CORIN: variants seen among roughly 807,000 people sequenced by gnomAD.
CORIN encodes atrial natriuretic peptide-converting enzyme.
Under a neutral mutation model 125.3 loss-of-function variants are expected in CORIN, and 117 were observed. The observed-to-expected ratio is 0.93, with a 90% confidence interval of 0.80 to 1.09. CORIN has a LOEUF of 1.09. Among genes scored for constraint, CORIN ranks in the 50% least tolerant of loss-of-function variants. CORIN has a pLI of 0.00. For missense variants in CORIN, 1,253 were observed against 1,306.7 expected (o/e 0.96, Z 0.63); for synonymous variants, 450 against 466.4 (o/e 0.96, Z 0.45).
intron 3 of CORIN, among the ~76,000 whole-genome samples, chr4:47,765,580 C>G (rs571056234): frequency 3.3e-5 from 5 of 152,274 alleles, no homozygotes; most frequent in Admixed American, 2.6e-4. Flanking sequence ...ATTTTGGTAG[C>G]TATTGTCAAA....
At chr4:47,692,219 T>A (rs1395374029) in intron 6 of CORIN, among the ~76,000 whole-genome samples, 1 of 152,238 alleles carries the variant, frequency 6.6e-6, no homozygotes, top group Non-Finnish European at 1.5e-5. Context: ...ATTAGAACTC[T>A]TGCATGTAGT....
At chr4:47,617,402 A>G (rs1722104898) in intron 19 of CORIN, among the ~76,000 whole-genome samples, 1 of 152,198 alleles carries the variant, frequency 6.6e-6, no homozygotes, top group African/African-American at 2.4e-5. Flanking sequence ...AGAGAGCTCC[A>G]AGTTTCTGAA....
Position 47,702,433 on chromosome 4 carries a change from T to G in CORIN, c.800-9350A>C, listed in dbSNP as rs181724531. ...GTATTTTTTCTAGACCTTTTTTAAA[T>G]GTGTAACTCAGTCACAACGTTTATG... On this transcript the variant is annotated intron_variant, in intron 5 of 21. Coordinates refer to ENST00000273857, the MANE Select transcript of CORIN (RefSeq NM_006587.4). Among the ~76,000 whole-genome samples, 52 of 152,278 alleles carry G rather than the reference T, an allele frequency of 3.4e-4. 1 individual carries two copies. Among genetic ancestry groups the G allele is most frequent in the Non-Finnish European group, 2.9e-4 (20 of 67,998 alleles).
intron 5 of CORIN, among the ~76,000 whole-genome samples, chr4:47,699,141 C>A (rs1046026634): frequency 1.3e-5 from 2 of 152,204 alleles, no homozygotes; most frequent in African/African-American, 2.4e-5. Flanking sequence ...AAACAATGAC[C>A]ATCCTTGAAT....
chr4:47,759,783 A>G (rs1397000924), intron 4 of CORIN, among the ~76,000 whole-genome samples: 1 of 152,188 alleles, frequency 6.6e-6, no homozygotes, highest in African/African-American at 2.4e-5. Context: ...TTCTTTGTTC[A>G]TCCATAAAAA....
intron 5 of CORIN, among the ~76,000 whole-genome samples, chr4:47,705,051 T>C (rs886237491): frequency 2.6e-5 from 4 of 152,228 alleles, no homozygotes; most frequent in Admixed American, 6.5e-5. Context: ...TGATTGCGAC[T>C]GAGTAAATCT....
intron 1 of CORIN, among the ~76,000 whole-genome samples, chr4:47,811,664 C>T (rs1210233768): frequency 2.0e-5 from 3 of 152,108 alleles, no homozygotes; most frequent in South Asian, 4.1e-4. Flanking sequence ...CGCGCCCAGC[C>T]GAGGATTATT....
intron 3 of CORIN, among the ~76,000 whole-genome samples, chr4:47,781,233 C>T (rs2109906672): frequency 6.6e-6 from 1 of 152,228 alleles, no homozygotes; most frequent in East Asian, 1.9e-4. Context: ...TGAAAGGATA[C>T]ATAAAAATAT....
chr4:47,707,884 C>A (rs1726652664), intron 5 of CORIN, among the ~76,000 whole-genome samples: 1 of 152,146 alleles, frequency 6.6e-6, no homozygotes, highest in Non-Finnish European at 1.5e-5. Context: ...AAGAGCCAGG[C>A]ATCCATGATC....
At chr4:47,782,298 T>A (rs1730589680) in intron 3 of CORIN, among the ~76,000 whole-genome samples, 1 of 149,844 alleles carries the variant, frequency 6.7e-6, no homozygotes, top group Non-Finnish European at 1.5e-5. Context: ...GTCAGGAGAA[T>A]CGCCTGAACC....
chr4:47,805,814 A>G (rs1236016942), intron 2 of CORIN, among the ~76,000 whole-genome samples: 2 of 152,196 alleles, frequency 1.3e-5, no homozygotes, highest in African/African-American at 4.8e-5. Context: ...CAGTAAGAAA[A>G]TAATAGGGAG....
At chr4:47,769,925 G>A (rs1329289114) in intron 3 of CORIN, among the ~76,000 whole-genome samples, 2 of 151,992 alleles carry the variant, frequency 1.3e-5, no homozygotes, top group African/African-American at 4.8e-5. Flanking sequence ...AGAATACATA[G>A]GGGGAAAGCT....
Position 47,665,078 on chromosome 4 carries a change from C to A in CORIN, c.1543G>T (p.Val515Leu). 1 of 1,613,592 alleles carries A rather than the reference C, an allele frequency of 6.2e-7. No individual in the cohort carries two copies. Among genetic ancestry groups the A allele is most frequent in the African/African-American group, 1.3e-5 (1 of 74,976 alleles). ...CCTGTATTCACATCACATTTTGGTA[C>A]CAAAATGGTGCAAGAAAAGAACATG... ...YLMFFSCTIL[V>L]PKCDVNTGEH... is the part of the protein sequence containing the mutation. The change falls in exon 11 of 22, where the codon GTA becomes TTA. Residue 515 changes from valine (V) to leucine (L), a missense_variant. Coordinates refer to ENST00000273857, the MANE Select transcript of CORIN (RefSeq NM_006587.4).
rs546575810 is a variant in CORIN at position 47,806,994 on chromosome 4, C to A, written c.117G>T (p.Ala39=). The change falls in exon 2 of 22, where the codon GCG becomes GCT. Residue 39 remains alanine (A), a synonymous_variant. Coordinates refer to ENST00000273857, the MANE Select transcript of CORIN (RefSeq NM_006587.4). The part of the protein sequence containing the change: ...NMGNGCSQKL[A]TANLLRFLLL... The stretch of plus-strand genomic sequence containing the variant: ...ATAGGAACCGGAGGAGGTTAGCAGT[C>A]GCCAGCTTCTGAGAGCAGCCATTGC... 4 of 1,613,960 alleles carry A rather than the reference C, an allele frequency of 2.5e-6. No homozygotes were observed. Among genetic ancestry groups the A allele is most frequent in the Non-Finnish European group, 3.4e-6 (4 of 1,179,912 alleles).
chr4:47,819,584 G>A (rs1351450493), intron 1 of CORIN, among the ~76,000 whole-genome samples: 2 of 152,140 alleles, frequency 1.3e-5, no homozygotes, highest in Non-Finnish European at 2.9e-5. Flanking sequence ...CAGAAGCAGC[G>A]AGAGACATGA....
chr4:47,637,583 G>A (rs1179694844), intron 16 of CORIN, among the ~76,000 whole-genome samples: 1 of 152,234 alleles, frequency 6.6e-6, no homozygotes, highest in East Asian at 1.9e-4. Flanking sequence ...GTACAGCTCA[G>A]GATGTTGCTT....
At chr4:47,831,359 T>A (rs1732988252) in intron 1 of CORIN, 1 of 152,280 alleles carries the variant, frequency 6.6e-6, no homozygotes, top group Non-Finnish European at 1.5e-5. Flanking sequence ...CAAACGCCAA[T>A]GCAGAAGGCT....
At chr4:47,704,128 A>G (rs1274047132) in intron 5 of CORIN, among the ~76,000 whole-genome samples, 2 of 152,178 alleles carry the variant, frequency 1.3e-5, no homozygotes, top group Non-Finnish European at 2.9e-5. Flanking sequence ...CTACTACCGC[A>G]TGCCTTTCAC....
chr4:47,624,512 C>G (rs901208527), intron 17 of CORIN, among the ~76,000 whole-genome samples: 7 of 152,202 alleles, frequency 4.6e-5, no homozygotes, highest in African/African-American at 9.6e-5. Flanking sequence ...CCAAGACTCT[C>G]AAGGTTAAAT....
Sources: gnomAD v4.1 joint callset for allele counts (sites outside exome capture counted in the v4.1 genomes callset) on GRCh38, gnomAD v4.1.1 for gene constraint, MANE v1.5 for transcripts, NCBI Gene and HGNC (gene_info 2026-07-23, HGNC 2026-07-21) for gene names.